Variants in CNTNAP2 observed in about 807,000 individuals in gnomAD.
CNTNAP2 encodes contactin-associated protein-like 2.
A neutral mutation model predicts 155.2 loss-of-function variants in CNTNAP2; 98 were observed. The ratio of observed to expected loss-of-function variants is 0.63; its 90% CI spans 0.54 to 0.75. The LOEUF is 0.75. Among genes scored for constraint, CNTNAP2 ranks in the 30% least tolerant of loss-of-function variants. The pLI, the probability that CNTNAP2 is intolerant of heterozygous loss-of-function variation, is 0.00. For synonymous variants in CNTNAP2, 651 were observed against 631.2 expected, an observed-to-expected ratio of 1.03 and a Z score of -0.47; for missense variants, 1,727 against 1,688.1, an observed-to-expected ratio of 1.02 and a Z score of -0.40.
At chr7:147,419,350 T>A (rs1797250356) in intron 10 of CNTNAP2, among the ~76,000 whole-genome samples, 1 of 152,108 alleles carries the variant, frequency 6.6e-6, no homozygotes, top group African/African-American at 2.4e-5. Flanking sequence ...CCTGGCAGCA[T>A]TTTTAGCTGT....
At chr7:146,558,996 A>G (rs1202685591) in intron 1 of CNTNAP2, among the ~76,000 whole-genome samples, 2 of 152,226 alleles carry the variant, frequency 1.3e-5, no homozygotes, top group Non-Finnish European at 2.9e-5. Context: ...AAGATTTGCC[A>G]ACTGTCCCAT....
chr7:146,189,260 G>T (rs551349935), intron 1 of CNTNAP2, among the ~76,000 whole-genome samples: 7 of 152,122 alleles, frequency 4.6e-5, no homozygotes, highest in Non-Finnish European at 4.4e-5. Context: ...AATTATGTTG[G>T]CCACATGATA....
chr7:146,785,334 G>A (rs1376249428), intron 2 of CNTNAP2, among the ~76,000 whole-genome samples: 1 of 151,922 alleles, frequency 6.6e-6, no homozygotes, highest in Non-Finnish European at 1.5e-5. Context: ...ATAAGGAGGT[G>A]GAGAATTTTT....
intron 13 of CNTNAP2, among the ~76,000 whole-genome samples, chr7:147,751,345 T>G (rs1261485233): frequency 6.7e-6 from 1 of 148,908 alleles, no homozygotes; most frequent in East Asian, 2.0e-4. Flanking sequence ...TATTCAGAGA[T>G]AAGTGGAGGA....
chr7:147,115,595 C>T (rs1398727499), intron 5 of CNTNAP2, among the ~76,000 whole-genome samples: 1 of 152,154 alleles, frequency 6.6e-6, no homozygotes, highest in African/African-American at 2.4e-5. Context: ...ATTTCTTCCT[C>T]TGCTTGGTCT....
At chr7:146,390,002 C>T (rs1795517650) in intron 1 of CNTNAP2, among the ~76,000 whole-genome samples, 1 of 151,784 alleles carries the variant, frequency 6.6e-6, no homozygotes, top group African/African-American at 2.4e-5. Flanking sequence ...AGCCCAGCCC[C>T]GTATTTCTTT....
chr7:147,233,755 T>C (rs996132700), intron 8 of CNTNAP2, among the ~76,000 whole-genome samples: 29 of 150,628 alleles, frequency 1.9e-4, no homozygotes, highest in Admixed American at 1.9e-3. Flanking sequence ...AAAAGTCTTA[T>C]ATAAAAACAT....
intron 8 of CNTNAP2, among the ~76,000 whole-genome samples, chr7:147,197,257 A>G (rs760172399): frequency 1.7e-4 from 26 of 152,066 alleles, no homozygotes; most frequent in Non-Finnish European, 2.5e-4. Context: ...CAAGTAACCA[A>G]TGGAAAAACC....
chr7:148,133,418 C>T (rs934788977), intron 16 of CNTNAP2, among the ~76,000 whole-genome samples: 2 of 151,984 alleles, frequency 1.3e-5, no homozygotes, highest in Non-Finnish European at 2.9e-5. Context: ...GCTGAGATCG[C>T]GCCACTGCAC....
chr7:147,129,201 T>C (rs1402041181), intron 7 of CNTNAP2, among the ~76,000 whole-genome samples: 1 of 152,162 alleles, frequency 6.6e-6, no homozygotes, highest in Non-Finnish European at 1.5e-5. Context: ...TTGCTTATGG[T>C]TTAATTTAAT....
At chr7:147,203,963 T>C (rs1388023313) in intron 8 of CNTNAP2, among the ~76,000 whole-genome samples, 1 of 152,070 alleles carries the variant, frequency 6.6e-6, no homozygotes, top group Non-Finnish European at 1.5e-5. Flanking sequence ...AATAACTTAG[T>C]TTTTCTGAAG....
At chr7:146,394,712 G>A (rs185823716) in intron 1 of CNTNAP2, among the ~76,000 whole-genome samples, 222 of 152,170 alleles carry the variant, frequency 1.5e-3, no homozygotes, top group African/African-American at 5.2e-3. Context: ...CCTAATATTA[G>A]TATGGTTATT....
At chr7:146,148,835 G>C (rs1205120030) in intron 1 of CNTNAP2, among the ~76,000 whole-genome samples, 1 of 152,070 alleles carries the variant, frequency 6.6e-6, no homozygotes, top group Non-Finnish European at 1.5e-5. Flanking sequence ...AAAAAAGGAA[G>C]AAGTAATAGA....
intron 13 of CNTNAP2, among the ~76,000 whole-genome samples, chr7:147,820,286 G>C (rs191830869): frequency 6.6e-6 from 1 of 151,988 alleles, no homozygotes; most frequent in East Asian, 1.9e-4. Flanking sequence ...TTGCTTATTG[G>C]TTATTGCATG....
At chr7:147,794,804 C>T (rs12539857) in intron 13 of CNTNAP2, among the ~76,000 whole-genome samples, 11,505 of 151,174 alleles carry the variant, frequency 0.076, 515 homozygotes, top group East Asian at 0.2. Flanking sequence ...CTATTTCTTT[C>T]TGGGTCAGTT....
chr7:146,999,090 TTAAG>T (rs1798373202), intron 3 of CNTNAP2, among the ~76,000 whole-genome samples: 1 of 151,992 alleles, frequency 6.6e-6, no homozygotes, highest in Admixed American at 6.6e-5. Context: ...TCCTTTGTGA[TTAAG>T]TAATTTTCAT....
intron 2 of CNTNAP2, among the ~76,000 whole-genome samples, chr7:146,809,288 T>C (rs1157627146): frequency 1.3e-5 from 2 of 152,164 alleles, no homozygotes; most frequent in Non-Finnish European, 2.9e-5. Context: ...ATTGTCTTGA[T>C]TTGCATTTCT....
chr7:146,797,486 A>G (rs573222931), intron 2 of CNTNAP2, among the ~76,000 whole-genome samples: 12 of 152,344 alleles, frequency 7.9e-5, no homozygotes, highest in Non-Finnish European at 1.2e-4. Context: ...TTCACTAATA[A>G]CCAAGTATGC....
At chr7:148,344,012 A>C (rs528541977) in intron 21 of CNTNAP2, among the ~76,000 whole-genome samples, 14 of 152,332 alleles carry the variant, frequency 9.2e-5, no homozygotes, top group African/African-American at 3.4e-4. Flanking sequence ...GCTACAGCCA[A>C]TTGATCACAA....
Sources: gnomAD v4.1 joint callset for allele counts (sites outside exome capture counted in the v4.1 genomes callset) on GRCh38, gnomAD v4.1.1 for gene constraint, MANE v1.5 for transcripts, NCBI Gene and HGNC (gene_info 2026-07-23, HGNC 2026-07-21) for gene names.